The following LRP8 variants were observed in gnomAD, a reference collection of about 807,000 sequenced individuals.
LRP8 encodes LDL receptor related protein 8, also known as low-density lipoprotein receptor-related protein 8.
LRP8 carries 46 observed loss-of-function variants against 111.6 expected under a neutral mutation model. That is an observed-to-expected ratio of 0.41 (90% CI 0.33 to 0.53). LRP8 has a LOEUF of 0.53. LRP8 is among the 20% of genes least tolerant of loss of function. The pLI is 0.20. For synonymous variants in LRP8, 464 were observed against 511.2 expected (o/e 0.91, Z 1.24); for missense variants, 959 against 1,297.4 (o/e 0.74, Z 4.01).
rs763476403 is a variant in LRP8, at chr1:53,271,227, C to T, written c.1126G>A (p.Asp376Asn). Residue 376 changes from aspartate to asparagine, a missense_variant and splice_region_variant, in exon 7 of 19, where the codon GAC becomes AAC. Physicochemically the swap from Asp to Asn is conservative, Grantham distance 23 (BLOSUM62 1). This residue lies in a region of LRP8 where 819 missense variants were observed against 1,097.6 expected (regional missense o/e 0.75). Coordinates refer to ENST00000306052, the MANE Select transcript of LRP8 (RefSeq NM_004631.5). ...FQLLDQKTCG[D>N]IDECKDPDAC... ...TTGGGGGTGTGGGAGAAGGTCTCAC[C>T]GCCACAGGTCTTCTGGTCCAGGAGC... 10 of 1,613,712 alleles carry T rather than the reference C, an allele frequency of 6.2e-6. No individual in the cohort carries two copies. Among genetic ancestry groups the T allele is most frequent in the Admixed American group, 3.3e-5 (2 of 59,956 alleles).
Position 53,249,289 on chromosome 1 carries a change from C to A in LRP8, c.2853+91G>T. ...CCCAGCTTACAATTTGCAGCCTTCC[C>A]AAACCAGAAAGCCTTCTAGGATTGG... On this transcript the variant is annotated intron_variant, in intron 18 of 18. Coordinates refer to ENST00000306052, the MANE Select transcript of LRP8 (RefSeq NM_004631.5). This position sits in a 1 kb window ranked among gnomAD's most constrained non-coding sequence, Gnocchi z 4.1. 1 of 1,443,038 alleles carries A rather than the reference C, an allele frequency of 6.9e-7. No homozygotes were observed. Among genetic ancestry groups the A allele is most frequent in the South Asian group, 1.4e-5 (1 of 73,436 alleles). 89.4% of individuals were successfully genotyped at this position (1,443,038 alleles called of 1,614,324 possible).
Position 53,303,116 on chromosome 1 carries a change from G to A in LRP8, c.245-13427C>T, listed in dbSNP as rs1258177797. ...GCACATCACCACAAAAGCAGGTAGAGCTCTTGTCAATCATGCGGCTTATTT... is the reference window on the plus strand; with the variant it reads ...GCACATCACCACAAAAGCAGGTAGAACTCTTGTCAATCATGCGGCTTATTT... On this transcript the variant is annotated intron_variant, in intron 2 of 18. Transcript: ENST00000306052. The surrounding 1 kb of genome is among the most constrained non-coding windows in gnomAD (Gnocchi z 4.3). 6.6e-6 allele frequency among the ~76,000 whole-genome samples: 1 copy of A among 152,158 alleles called. No homozygotes were observed. The highest frequency in any genetic ancestry group is 2.4e-5 in the African/African-American group (1 of 41,418).
chr1:53,273,977 C>CA (rs1553181203), intron 6 of LRP8, among the ~76,000 whole-genome samples: 9 of 151,296 alleles, frequency 5.9e-5, no homozygotes, highest in South Asian at 4.2e-4. Flanking sequence ...AAACAAAAAA[C>CA]AAAAAAAAAC....
At chr1:53,292,769 G>T (rs1649024404) in intron 2 of LRP8, among the ~76,000 whole-genome samples, 1 of 152,224 alleles carries the variant, frequency 6.6e-6, no homozygotes, top group African/African-American at 2.4e-5. Context: ...CAGACCCAGA[G>T]ATGTTAAGTT....
intron 2 of LRP8, among the ~76,000 whole-genome samples, chr1:53,314,770 C>T (rs1653582870): frequency 6.6e-6 from 1 of 152,194 alleles, no homozygotes; most frequent in South Asian, 2.1e-4. Flanking sequence ...GGGGAGGCCG[C>T]TTTGGCCTAA....
chr1:53,303,374 A>T lies in LRP8; in HGVS notation c.245-13685T>A, dbSNP rs150583042. 3.6e-4 allele frequency among the ~76,000 whole-genome samples: 55 copies of T among 152,320 alleles called. No individual in the cohort carries two copies. The East Asian group carries it at 0.01, about 28-fold the overall frequency. ...TGCAGGCTGAACACACCTGGGCCCCAGGGCCATGTGGCCCAGCCCTTGGAT... is the reference window on the plus strand; with the variant it reads ...TGCAGGCTGAACACACCTGGGCCCCTGGGCCATGTGGCCCAGCCCTTGGAT... On this transcript the variant is annotated intron_variant, in intron 2 of 18. Coordinates refer to ENST00000306052, the MANE Select transcript of LRP8 (RefSeq NM_004631.5). This position sits in a 1 kb window ranked among gnomAD's most constrained non-coding sequence, Gnocchi z 4.3.
intron 3 of LRP8, among the ~76,000 whole-genome samples, chr1:53,288,960 C>G (rs1416624165): frequency 6.6e-6 from 1 of 152,148 alleles, no homozygotes; most frequent in South Asian, 2.1e-4. Context: ...CCTCTACCTC[C>G]CCCTGCCTGC....
intron 6 of LRP8, among the ~76,000 whole-genome samples, chr1:53,273,977 C>CAAAAAACAA (rs564770157): frequency 2.6e-5 from 4 of 151,186 alleles, no homozygotes; most frequent in African/African-American, 4.9e-5. Flanking sequence ...AAACAAAAAA[C>CAAAAAACAA]AAAAAAAAAC....
chr1:53,289,754 G>A, intron 2 of LRP8, 65 bp from the exon 3 acceptor site: 4 of 1,592,682 alleles, frequency 2.5e-6, no homozygotes, highest in Non-Finnish European at 3.4e-6. Context: ...GGCCGACCAG[G>A]ATGTGCTTGG....
intron 2 of LRP8, chr1:53,305,991 G>C (rs1009561904): frequency 5.9e-5 from 9 of 152,202 alleles, no homozygotes; most frequent in African/African-American, 2.2e-4. Flanking sequence ...CTCACTCTCT[G>C]GGAGTTGGGA....
rs1465320768 is a variant in LRP8 at position 53,264,164 on chromosome 1, C to A, written c.1655+5G>T. ...GAGAATGGGAAGTTCAGTTGGGACA[C>A]TCACCCTCGCAGGGGGTCAACAGCG... On this transcript the variant is annotated splice_donor_5th_base_variant and intron_variant, in intron 10 of 18. Coordinates refer to ENST00000306052, the MANE Select transcript of LRP8 (RefSeq NM_004631.5). 1 of 1,613,650 alleles carries A rather than the reference C, an allele frequency of 6.2e-7. No individual in the cohort carries two copies. Among genetic ancestry groups the A allele is most frequent in the Non-Finnish European group, 8.5e-7 (1 of 1,179,800 alleles).
chr1:53,311,092 C>A (rs981787105), intron 2 of LRP8, among the ~76,000 whole-genome samples: 1 of 152,170 alleles, frequency 6.6e-6, no homozygotes, highest in Non-Finnish European at 1.5e-5. Context: ...AGACCCAGAC[C>A]CCAGCCTGCT....
chr1:53,274,192 G>T (rs60134880), intron 6 of LRP8, among the ~76,000 whole-genome samples: 4,908 of 152,278 alleles, frequency 0.032, 252 homozygotes, highest in African/African-American at 0.11. Context: ...ACTCCTCAGG[G>T]CTTAGGATGG....
chr1:53,263,114 C>T (rs1479035483), intron 10 of LRP8, among the ~76,000 whole-genome samples: 1 of 152,212 alleles, frequency 6.6e-6, no homozygotes, highest in Non-Finnish European at 1.5e-5. Context: ...TGACGATCCG[C>T]AGTGGATTGG....
At chr1:53,295,420 G>A (rs1047270981) in intron 2 of LRP8, among the ~76,000 whole-genome samples, 1 of 152,172 alleles carries the variant, frequency 6.6e-6, no homozygotes, top group African/African-American at 2.4e-5. Flanking sequence ...GCACAAAGCT[G>A]CCCTGCAGAG....
At chr1:53,299,747 A>G (rs2782499) in intron 2 of LRP8, among the ~76,000 whole-genome samples, 65,440 of 152,116 alleles carry the variant, frequency 0.43, 14,576 homozygotes, top group East Asian at 0.68. Flanking sequence ...CTGAGAATGG[A>G]GTTAGCAATG....
At chr1:53,290,297 C>CTCT (rs1648465914) in intron 2 of LRP8, among the ~76,000 whole-genome samples, 1 of 151,574 alleles carries the variant, frequency 6.6e-6, no homozygotes, top group South Asian at 2.1e-4. Flanking sequence ...ATCCCACTTC[C>CTCT]TCCTCCTCCT....
chr1:53,258,222 A>T, intron 14 of LRP8, 97 bp downstream of exon 14: 1 of 1,289,262 alleles, frequency 7.8e-7, no homozygotes, highest in Non-Finnish European at 1.1e-6. Flanking sequence ...GATGGAAGAA[A>T]ACCAGCAGCA....
chr1:53,286,790 T>C (rs959730574), intron 3 of LRP8, among the ~76,000 whole-genome samples: 2 of 152,262 alleles, frequency 1.3e-5, no homozygotes, highest in African/African-American at 2.4e-5. Context: ...ATTTTAACAC[T>C]GTAAGAATCT....
Sources: allele counts gnomAD v4.1 joint callset (sites outside exome capture counted in the v4.1 genomes callset), GRCh38; gene constraint gnomAD v4.1.1; regional missense constraint gnomAD v4.1.1; non-coding constraint Gnocchi (gnomAD v3.1); transcripts MANE v1.5; gene names NCBI Gene and HGNC (gene_info 2026-07-23, HGNC 2026-07-21).